Variants in ZNF565 observed in about 807,000 individuals in gnomAD.
ZNF565 encodes zinc finger protein 565.
Under a neutral mutation model 39.4 loss-of-function variants are expected in ZNF565, and 27 were observed. That is an observed-to-expected ratio of 0.69 (90% confidence interval 0.51 to 0.95). ZNF565 has a LOEUF of 0.95. ZNF565 is among the 40% of genes least tolerant of loss of function. ZNF565 has a pLI of 0.00. For missense variants in ZNF565, 524 were observed against 621.1 expected, an observed-to-expected ratio of 0.84 and a Z score of 1.66; for synonymous variants, 185 against 216.6, an observed-to-expected ratio of 0.85 and a Z score of 1.28.
chr19:36,182,410 A>G lies in ZNF565; in HGVS notation c.*56T>C. On this transcript the variant is annotated 3_prime_UTR_variant, in exon 5 of 5. Transcript: ENST00000304116. ...CTACATTAAAAATTACCTAGTACTG[A>G]GCCAGATGTGAACTCCACATAAAGG... The G allele has an allele frequency of 6.8e-7, 1 of 1,472,892 alleles. No homozygotes were observed. The highest frequency in any genetic ancestry group is 9.1e-7 in the Non-Finnish European group (1 of 1,099,898). 91.2% of individuals were successfully genotyped at this position (1,472,892 alleles called of 1,614,324 possible).
chr19:36,224,209 C>G (rs1036273099), intron 1 of ZNF565, among the ~76,000 whole-genome samples: 1 of 152,168 alleles, frequency 6.6e-6, no homozygotes, highest in Non-Finnish European at 1.5e-5. Context: ...TGGAGAAACC[C>G]TGTCTCTACT....
chr19:36,229,152 C>T (rs1228412656), intron 1 of ZNF565, among the ~76,000 whole-genome samples: 1 of 152,208 alleles, frequency 6.6e-6, no homozygotes, highest in Non-Finnish European at 1.5e-5. Context: ...TAAAACCTTA[C>T]ATATTGTCTG....
chr19:36,192,730 G>A (rs1212435306), intron 4 of ZNF565, among the ~76,000 whole-genome samples: 2 of 151,862 alleles, frequency 1.3e-5, no homozygotes, highest in Non-Finnish European at 2.9e-5. Flanking sequence ...TTGAACTCCT[G>A]GCTTCAAGTG....
intron 1 of ZNF565, among the ~76,000 whole-genome samples, chr19:36,228,174 A>AAAAG (rs371256255): frequency 0.039 from 5,646 of 144,044 alleles, 376 homozygotes; most frequent in African/African-American, 0.13. Context: ...AAAAAAAAAA[A>AAAAG]AAAGAAAGAA....
intron 1 of ZNF565, among the ~76,000 whole-genome samples, chr19:36,243,925 C>G (rs1977838250): frequency 1.3e-5 from 2 of 152,168 alleles, no homozygotes; most frequent in African/African-American, 4.8e-5. Context: ...TGATTTCAAA[C>G]TCCTGAACTC....
At chr19:36,187,371 T>TG (rs1293651210) in intron 4 of ZNF565, among the ~76,000 whole-genome samples, 3 of 151,914 alleles carry the variant, frequency 2.0e-5, no homozygotes, top group Admixed American at 1.3e-4. Flanking sequence ...GAGTCTCTTT[T>TG]TTTTTTCTGA....
In ZNF565 at chr19:36,214,645, C is replaced by G. The variant is rs1325176087; in HGVS notation, c.-89G>C. 1 of 152,776 alleles carries G rather than the reference C, an allele frequency of 6.5e-6. No individual in the cohort carries two copies. The highest frequency in any genetic ancestry group is 1.5e-5 in the Non-Finnish European group (1 of 68,130). 9.5% of individuals were successfully genotyped at this position (152,776 alleles called of 1,614,324 possible). On this transcript the variant is annotated 5_prime_UTR_variant, in exon 1 of 5. Transcript: ENST00000304116. ...ACCTTCTGCCTCCCCTGGTCGCGTCCGGGTCCTTGCGGAGCTAACTAGCTC... is the reference window on the plus strand; with the variant it reads ...ACCTTCTGCCTCCCCTGGTCGCGTCGGGGTCCTTGCGGAGCTAACTAGCTC...
chr19:36,200,976 G>A (rs536393361), intron 2 of ZNF565, among the ~76,000 whole-genome samples: 14 of 151,958 alleles, frequency 9.2e-5, no homozygotes, highest in African/African-American at 2.9e-4. Context: ...TATATTTGAC[G>A]GTATTAAGTG....
At chr19:36,237,193 G>T (rs1600002438) in intron 1 of ZNF565, 1 of 1,614,132 alleles carries the variant, frequency 6.2e-7, no homozygotes, top group Non-Finnish European at 8.5e-7. Flanking sequence ...CTTTCTCTCA[G>T]TTCTCAACCC....
intron 2 of ZNF565, among the ~76,000 whole-genome samples, chr19:36,199,861 G>T (rs984547408): frequency 6.6e-6 from 1 of 151,692 alleles, no homozygotes; most frequent in Non-Finnish European, 1.5e-5. Flanking sequence ...TAGAGACGGG[G>T]TCTCACCCCA....
upstream of ZNF565, among the ~76,000 whole-genome samples, chr19:36,218,672 C>T (rs1457641195): frequency 3.3e-5 from 5 of 151,800 alleles, no homozygotes; most frequent in South Asian, 2.1e-4. Flanking sequence ...GGTTTCACCG[C>T]GTTAGCCAGG....
chr19:36,222,561 C>T (rs1225844539), intron 1 of ZNF565, among the ~76,000 whole-genome samples: 2 of 152,100 alleles, frequency 1.3e-5, no homozygotes, highest in African/African-American at 2.4e-5. Flanking sequence ...TTTGGTATTT[C>T]GCTAGGGACA....
intron 1 of ZNF565, among the ~76,000 whole-genome samples, chr19:36,239,055 C>T (rs1361806480): frequency 6.6e-6 from 1 of 152,188 alleles, no homozygotes; most frequent in Non-Finnish European, 1.5e-5. Context: ...TTCTTCTACC[C>T]CCACAAACCG....
At chr19:36,202,258 T>C (rs952398332) in intron 1 of ZNF565, among the ~76,000 whole-genome samples, 7 of 151,952 alleles carry the variant, frequency 4.6e-5, no homozygotes, top group African/African-American at 1.2e-4. Context: ...ACCCAGCACC[T>C]TGGGAGGCTG....
At chr19:36,186,072 C>T (rs1033903019) in intron 4 of ZNF565, among the ~76,000 whole-genome samples, 4 of 151,848 alleles carry the variant, frequency 2.6e-5, no homozygotes, top group Non-Finnish European at 4.4e-5. Flanking sequence ...TCTCAGCTCA[C>T]CACAACCTCT....
chr19:36,238,168 A>G (rs1487453596), intron 1 of ZNF565: 1 of 167,142 alleles, frequency 6.0e-6, no homozygotes, highest in African/African-American at 2.4e-5. Context: ...TGAAATCCAC[A>G]TGTATTAACA....
chr19:36,199,144 C>T (rs1197000031), intron 2 of ZNF565, among the ~76,000 whole-genome samples: 1 of 152,214 alleles, frequency 6.6e-6, no homozygotes, highest in Non-Finnish European at 1.5e-5. Context: ...CTAATATTCA[C>T]ATTCCTTCAC....
chr19:36,185,639 C>T (rs1367363744), intron 4 of ZNF565, among the ~76,000 whole-genome samples: 1 of 151,844 alleles, frequency 6.6e-6, no homozygotes, highest in African/African-American at 2.4e-5. Context: ...TCAGGTTCTT[C>T]CATCTATCAA....
intron 1 of ZNF565, among the ~76,000 whole-genome samples, chr19:36,225,904 G>T (rs10409983): frequency 1.3e-5 from 2 of 151,560 alleles, no homozygotes; most frequent in Non-Finnish European, 2.9e-5. Context: ...GGGACTACAG[G>T]CATGTACCAC....
Sources: gnomAD v4.1 joint callset for allele counts (sites outside exome capture counted in the v4.1 genomes callset) on GRCh38, gnomAD v4.1.1 for gene constraint, MANE v1.5 for transcripts, NCBI Gene and HGNC (gene_info 2026-07-23, HGNC 2026-07-21) for gene names.